Variants in TMEM9 observed in about 807,000 individuals in gnomAD.
TMEM9 encodes the protein proton-transporting V-type ATPase complex assembly regulator TMEM9.
A neutral mutation model predicts 22.8 loss-of-function variants in TMEM9; 13 were observed. The ratio of observed to expected loss-of-function variants is 0.57; its 90% CI spans 0.37 to 0.91. The LOEUF (loss-of-function observed/expected upper bound fraction) is 0.91, where lower values mean the gene tolerates loss of function less well. Ranked by LOEUF, TMEM9 falls within the 40% of genes least tolerant of loss-of-function variation. The probability of loss-of-function intolerance (pLI) is 0.01; values close to 1 mark genes in which losing one functional copy is unlikely to be tolerated. For synonymous variants in TMEM9, 88 were observed against 93.0 expected (o/e 0.95, Z 0.31); for missense variants, 182 against 238.1 (o/e 0.76, Z 1.55).
chr1:201,155,611 G>T (rs1168251415), upstream of TMEM9, among the ~76,000 whole-genome samples: 1 of 152,160 alleles, frequency 6.6e-6, no homozygotes, highest in Non-Finnish European at 1.5e-5. Flanking sequence ...GTTGGCAGGG[G>T]GCAGGGGCAG....
At chr1:201,164,451 A>G (rs1666022523) in intron 1 of TMEM9, among the ~76,000 whole-genome samples, 1 of 152,254 alleles carries the variant, frequency 6.6e-6, no homozygotes, top group Non-Finnish European at 1.5e-5. Context: ...GAATTAGTCA[A>G]GATGCTAACT....
At chr1:201,153,770 A>T (rs778330717) in intron 1 of TMEM9, 88 bp downstream of exon 1, 1 of 1,590,066 alleles carries the variant, frequency 6.3e-7, no homozygotes, top group African/African-American at 1.3e-5. Flanking sequence ...AGGCTTAAGG[A>T]GCAGCTGGCT....
At chr1:201,161,377 A>G (rs1665944117) in intron 1 of TMEM9, among the ~76,000 whole-genome samples, 1 of 152,210 alleles carries the variant, frequency 6.6e-6, no homozygotes, top group Admixed American at 6.5e-5. Flanking sequence ...GAGTCCTCAG[A>G]CCATACTTCA....
Position 201,135,607 on chromosome 1 carries a change from A to G in TMEM9, c.*56T>C, listed in dbSNP as rs1663916720. 1.3e-6 allele frequency: 2 copies of G among 1,487,942 alleles called. No homozygotes were observed. Among genetic ancestry groups the G allele is most frequent in the Non-Finnish European group, 1.8e-6 (2 of 1,112,416 alleles). The allele number at this position is 1,487,942 out of a possible 1,614,324, so 92.2% of individuals were successfully genotyped here. On this transcript the variant is annotated 3_prime_UTR_variant, in exon 5 of 5. Coordinates refer to ENST00000367330, the MANE Select transcript of TMEM9 (RefSeq NM_001288565.2). Reference sequence around the variant, plus strand: ...GGAGAAGTAGCCCCCTGCTTTGTCCAGCCTGGAAGCTGGCAGCCATGGTGT... The same window carrying G: ...GGAGAAGTAGCCCCCTGCTTTGTCCGGCCTGGAAGCTGGCAGCCATGGTGT...
chr1:201,136,956 G>C (rs1664048078), intron 4 of TMEM9, among the ~76,000 whole-genome samples: 1 of 152,258 alleles, frequency 6.6e-6, no homozygotes, highest in Admixed American at 6.5e-5. Flanking sequence ...GGGGTGGTGA[G>C]GTGAGGGTAG....
chr1:201,163,492 A>G (rs1357059111), intron 1 of TMEM9, among the ~76,000 whole-genome samples: 1 of 152,134 alleles, frequency 6.6e-6, no homozygotes, highest in African/African-American at 2.4e-5. Flanking sequence ...TGAGAGGCTG[A>G]GACATGAGAA....
chr1:201,156,790 CAT>C (rs1250602390), upstream of TMEM9, among the ~76,000 whole-genome samples: 3 of 152,218 alleles, frequency 2.0e-5, no homozygotes, highest in South Asian at 2.1e-4. Flanking sequence ...ATTCCATAAA[CAT>C]GTGCCAAGCA....
chr1:201,146,890 C>G (rs3752979), intron 2 of TMEM9, 42 bp from the exon 3 acceptor site: 1,510,389 of 1,594,374 alleles, frequency 0.95, 715,730 homozygotes, highest in South Asian at 0.96. Flanking sequence ...AGGGCCACCA[C>G]GTCTTAGAGC....
intron 4 of TMEM9, among the ~76,000 whole-genome samples, chr1:201,140,553 G>A (rs1033811572): frequency 2.0e-5 from 3 of 152,164 alleles, no homozygotes; most frequent in Non-Finnish European, 4.4e-5. Context: ...CTGAGGGGGA[G>A]GCCTCCTCTT....
intron 4 of TMEM9, among the ~76,000 whole-genome samples, chr1:201,138,800 G>A (rs1460892883): frequency 6.6e-6 from 1 of 152,212 alleles, no homozygotes; most frequent in Non-Finnish European, 1.5e-5. Flanking sequence ...TGCTGCCCAA[G>A]GCTGCATGGC....
Position 201,134,774 on chromosome 1 carries a change from A to C in TMEM9, c.*889T>G, listed in dbSNP as rs1663816840. ...TAAATCTCTTAAAAACCAGAAAGTGAGAGAAATAAAACAATTTAATGATGG... is the reference window on the plus strand; with the variant it reads ...TAAATCTCTTAAAAACCAGAAAGTGCGAGAAATAAAACAATTTAATGATGG... On this transcript the variant is annotated 3_prime_UTR_variant, in exon 5 of 5. Transcript: ENST00000367330. The C allele has an allele frequency of 1.3e-5, 2 of 152,832 alleles. 1 individual carries two copies. Among genetic ancestry groups the C allele is most frequent in the South Asian group, 4.1e-4 (2 of 4,834 alleles). 9.5% of individuals were successfully genotyped at this position (152,832 alleles called of 1,614,324 possible).
chr1:201,137,187 G>A (rs6696361), intron 4 of TMEM9, among the ~76,000 whole-genome samples: 2,884 of 152,328 alleles, frequency 0.019, 81 homozygotes, highest in African/African-American at 0.067. Context: ...GCCATGTCAG[G>A]CAGGGGGCAT....
Position 201,154,079 on chromosome 1 carries a change from A to G in TMEM9, c.-156T>C, listed in dbSNP as rs1029202728. Reference sequence around the variant, plus strand: ...TTGGGGGCTGGGCTCCAGGATTCCAAGGCCTGCTAAACCTGGTCGCCAAAC... The same window carrying G: ...TTGGGGGCTGGGCTCCAGGATTCCAGGGCCTGCTAAACCTGGTCGCCAAAC... On this transcript the variant is annotated 5_prime_UTR_variant, in exon 1 of 5. Transcript: ENST00000367330. 1.8e-5 allele frequency: 16 copies of G among 877,038 alleles called. 1 individual carries two copies. In the Admixed American group the frequency reaches 2.4e-4, roughly 13 times the overall value. 54.3% of individuals were successfully genotyped at this position (877,038 alleles called of 1,614,324 possible). A position where few individuals can be genotyped will look rare whatever the true frequency, so the allele number is the denominator to read the frequency against.
At chr1:201,162,727 A>G (rs1353829438) in intron 1 of TMEM9, among the ~76,000 whole-genome samples, 1 of 152,164 alleles carries the variant, frequency 6.6e-6, no homozygotes, top group East Asian at 1.9e-4. Flanking sequence ...AAGAAAACAA[A>G]TGGTTAATTG....
At chr1:201,168,801 C>CTTAT (rs55885748) in intron 1 of TMEM9, among the ~76,000 whole-genome samples, 131,326 of 150,902 alleles carry the variant, frequency 0.87, 57,010 homozygotes, top group East Asian at 0.93. Context: ...TTTTTATTTA[C>CTTAT]TTATTTTCTA....
chr1:201,136,334 G>A (rs772749506), intron 4 of TMEM9, among the ~76,000 whole-genome samples: 20 of 152,178 alleles, frequency 1.3e-4, no homozygotes, highest in Admixed American at 2.6e-4. Flanking sequence ...CCACGCCATT[G>A]CCCAGGGGAC....
chr1:201,141,033 C>G (rs1324499252), intron 4 of TMEM9, among the ~76,000 whole-genome samples: 3 of 152,196 alleles, frequency 2.0e-5, no homozygotes, highest in African/African-American at 7.2e-5. Flanking sequence ...GTTCATCCTC[C>G]CTGCAGTTCA....
chr1:201,136,904 C>A (rs1296418163), intron 4 of TMEM9, among the ~76,000 whole-genome samples: 1 of 152,272 alleles, frequency 6.6e-6, no homozygotes, highest in Non-Finnish European at 1.5e-5. Context: ...CCCAAGCTGG[C>A]ACGGCTTCTG....
upstream of TMEM9, among the ~76,000 whole-genome samples, chr1:201,157,164 A>G (rs1665820155): frequency 6.6e-6 from 1 of 152,166 alleles, no homozygotes; most frequent in Non-Finnish European, 1.5e-5. Flanking sequence ...TAGATGAGCT[A>G]GTGGGGAGGC....
Sources: allele counts gnomAD v4.1 joint callset (sites outside exome capture counted in the v4.1 genomes callset), GRCh38; gene constraint gnomAD v4.1.1; transcripts MANE v1.5; gene names NCBI Gene and HGNC (gene_info 2026-07-23, HGNC 2026-07-21).